The following PGRMC2 variants were observed in gnomAD, a reference collection of about 807,000 sequenced individuals.
PGRMC2 encodes the protein membrane-associated progesterone receptor component 2.
A neutral mutation model predicts 19.3 loss-of-function variants in PGRMC2; 9 were observed. That is an observed-to-expected ratio of 0.47 (90% CI 0.28 to 0.81). PGRMC2 has a LOEUF of 0.81. Ranked by LOEUF, PGRMC2 falls within the 40% of genes least tolerant of loss-of-function variation. The probability of loss-of-function intolerance (pLI) is 0.11; values close to 1 mark genes in which losing one functional copy is unlikely to be tolerated. For missense variants in PGRMC2, 289 were observed against 297.3 expected (o/e 0.97, Z 0.21); for synonymous variants, 157 against 124.6 (o/e 1.26, Z -1.73).
intron 1 of PGRMC2, among the ~76,000 whole-genome samples, chr4:128,276,881 A>G (rs1255974942): frequency 1.3e-5 from 2 of 152,234 alleles, no homozygotes; most frequent in Non-Finnish European, 2.9e-5. Flanking sequence ...ATCATTTTAA[A>G]GATAAATTTT....
intron 1 of PGRMC2, among the ~76,000 whole-genome samples, chr4:128,276,453 G>A (rs531611794): frequency 7.2e-5 from 11 of 152,194 alleles, no homozygotes. Flanking sequence ...CCAAGTAGCT[G>A]GGATTATTGG....
In PGRMC2 at chr4:128,287,805, G is replaced by T. The variant is rs374171303; in HGVS notation, c.-15C>A. 20 of 1,514,298 alleles carry T rather than the reference G, an allele frequency of 1.3e-5. No homozygotes were observed. The highest frequency in any genetic ancestry group is 6.9e-5 in the South Asian group (6 of 86,362). The allele number at this position is 1,514,298 out of a possible 1,614,324, so 93.8% of individuals were successfully genotyped here. On this transcript the variant is annotated 5_prime_UTR_variant, in exon 1 of 3. Coordinates refer to ENST00000296425, the MANE Select transcript of PGRMC2 (RefSeq NM_006320.6). Reference sequence around the variant, plus strand: ...CCAGCCGCCATCACTGCCCGCCAGCGCCTTCCTCCTCCTCCCCGCCCCCTG... The same window carrying T: ...CCAGCCGCCATCACTGCCCGCCAGCTCCTTCCTCCTCCTCCCCGCCCCCTG...
chr4:128,280,352 G>GAAA lies in PGRMC2; in HGVS notation c.418+7020_418+7021insTTT, dbSNP rs747302016. On this transcript the variant is annotated intron_variant, in intron 1 of 2. Coordinates refer to ENST00000296425, the MANE Select transcript of PGRMC2 (RefSeq NM_006320.6). ...GCAATAAGTAACAGCAAATTTTCTG[G>GAAA]GAAAAAAAAAAAAAAAAAAAAAAGG... Among the ~76,000 whole-genome samples, 87 of 60,512 alleles carry GAAA rather than the reference G, an allele frequency of 1.4e-3. 14 individuals are homozygous for GAAA. Among genetic ancestry groups the GAAA allele is most frequent in the Middle Eastern group, 0.015 (1 of 66 alleles). 39.7% of individuals were successfully genotyped at this position (60,512 alleles called of 152,430 possible).
intron 1 of PGRMC2, among the ~76,000 whole-genome samples, chr4:128,277,884 A>G (rs754657486): frequency 1.3e-5 from 2 of 152,218 alleles, no homozygotes; most frequent in Non-Finnish European, 2.9e-5. Context: ...CATAGTCCTT[A>G]GATCCCTCAA....
At chr4:128,285,330 T>C (rs1041954287) in intron 1 of PGRMC2, among the ~76,000 whole-genome samples, 1 of 152,170 alleles carries the variant, frequency 6.6e-6, no homozygotes, top group African/African-American at 2.4e-5. Context: ...GGTTTTGTTA[T>C]ATTGGCCAGG....
At position 128,287,381 on chromosome 4, in the gene PGRMC2, T is replaced by C. The variant is rs914705091; in HGVS notation, c.410A>G (p.Tyr137Cys). ...CCCTTCCAACTCCTCACCCGGGCCG[T>C]AGAACTTGCTGCCTTTGGTCACGTC... ...VFDVTKGSKF[Y>C]GPAGPYGIFA... Residue 137 changes from tyrosine (Y) to cysteine (C), a missense_variant, in exon 1 of 3, where the codon TAC becomes TGC. By Grantham distance (194) the Tyr-to-Cys change is radical (BLOSUM62 -2). Coordinates refer to ENST00000296425, the MANE Select transcript of PGRMC2 (RefSeq NM_006320.6). 1.9e-6 allele frequency: 3 copies of C among 1,600,540 alleles called. No homozygotes were observed. Among genetic ancestry groups the C allele is most frequent in the Non-Finnish European group, 2.6e-6 (3 of 1,169,834 alleles).
At chr4:128,271,738 C>T (rs937788313) in intron 2 of PGRMC2, among the ~76,000 whole-genome samples, 2 of 152,132 alleles carry the variant, frequency 1.3e-5, no homozygotes, top group African/African-American at 2.4e-5. Context: ...CATCTCAGTA[C>T]CCAGCTAAAC....
chr4:128,278,035 T>C (rs184891634), intron 1 of PGRMC2, among the ~76,000 whole-genome samples: 2 of 152,268 alleles, frequency 1.3e-5, no homozygotes, highest in East Asian at 1.9e-4. Flanking sequence ...CTCAGCAACA[T>C]TGTGAACTGA....
chr4:128,278,429 G>A (rs768859052), intron 1 of PGRMC2, among the ~76,000 whole-genome samples: 5 of 152,010 alleles, frequency 3.3e-5, no homozygotes, highest in Non-Finnish European at 7.4e-5. Flanking sequence ...AAAATTAGCC[G>A]GGCACGGTGG....
At chr4:128,286,845 G>GT in intron 1 of PGRMC2, 1 of 321,768 alleles carries the variant, frequency 3.1e-6, no homozygotes, top group Non-Finnish European at 5.5e-6. Flanking sequence ...GCCTTACGGA[G>GT]TAATACAGCG....
Position 128,287,808 on chromosome 4 carries a change from T to TCC in PGRMC2, c.-19_-18insGG. The TCC allele has an allele frequency of 6.6e-7, 1 of 1,513,066 alleles. No homozygotes were observed. Among genetic ancestry groups the TCC allele is most frequent in the Non-Finnish European group, 9.0e-7 (1 of 1,115,408 alleles). 93.7% of individuals were successfully genotyped at this position (1,513,066 alleles called of 1,614,324 possible). A position where few individuals can be genotyped will look rare whatever the true frequency, so the allele number is the denominator to read the frequency against. On this transcript the variant is annotated 5_prime_UTR_variant, in exon 1 of 3. Coordinates refer to ENST00000296425, the MANE Select transcript of PGRMC2 (RefSeq NM_006320.6). ...GCCGCCATCACTGCCCGCCAGCGCC[T>TCC]TCCTCCTCCTCCCCGCCCCCTGCCC...
At chr4:128,280,577 C>T (rs1169610411) in intron 1 of PGRMC2, among the ~76,000 whole-genome samples, 6 of 151,936 alleles carry the variant, frequency 3.9e-5, no homozygotes, top group African/African-American at 4.8e-5. Context: ...AGTGGCATAA[C>T]GCTACTCAAG....
chr4:128,276,793 G>A (rs183212730), intron 1 of PGRMC2, among the ~76,000 whole-genome samples: 76 of 152,080 alleles, frequency 5.0e-4, no homozygotes, highest in African/African-American at 1.8e-3. Flanking sequence ...AAGCAAATTC[G>A]TGCTACAAAA....
chr4:128,287,221 G>T lies in PGRMC2; in HGVS notation c.418+152C>A, dbSNP rs968010396. The T allele has an allele frequency of 2.7e-5, 21 of 778,082 alleles. No individual in the cohort carries two copies. The Admixed American group carries it at 5.1e-4, about 19-fold the overall frequency. The allele number at this position is 778,082 out of a possible 1,614,324, so 48.2% of individuals were successfully genotyped here. Reference sequence around the variant, plus strand: ...GGGGGACGGTGTGTGTGTAGGGGCGGGATGGGCCGTCCCAGGTGCGGCGGC... The same window carrying T: ...GGGGGACGGTGTGTGTGTAGGGGCGTGATGGGCCGTCCCAGGTGCGGCGGC... On this transcript the variant is annotated intron_variant, in intron 1 of 2. Coordinates refer to ENST00000296425, the MANE Select transcript of PGRMC2 (RefSeq NM_006320.6).
At chr4:128,281,571 T>C (rs1037737700) in intron 1 of PGRMC2, among the ~76,000 whole-genome samples, 1 of 152,106 alleles carries the variant, frequency 6.6e-6, no homozygotes. Flanking sequence ...AATCACAAAA[T>C]AAGATGATAG....
intron 1 of PGRMC2, among the ~76,000 whole-genome samples, chr4:128,278,724 TTTAAA>T (rs1760855235): frequency 6.6e-6 from 1 of 152,260 alleles, no homozygotes; most frequent in East Asian, 1.9e-4. Context: ...GCATAAAGTC[TTTAAA>T]TATAATACAT....
Position 128,283,975 on chromosome 4 carries a change from TTA to T in PGRMC2, c.418+3396_418+3397del, listed in dbSNP as rs200720530. ...GTGCCTGGCCTTTATTTTTTTATTT[TTA>T]TTTTTTTTTTTTTAGTAGAGATGGG... On this transcript the variant is annotated intron_variant, in intron 1 of 2. Transcript: ENST00000296425. Among the ~76,000 whole-genome samples, 425 of 84,740 alleles carry T rather than the reference TTA, an allele frequency of 5.0e-3. 10 individuals are homozygous for T. The East Asian group carries it at 0.081, about 16-fold the overall frequency. The allele number at this position is 84,740 out of a possible 152,430, so 55.6% of individuals were successfully genotyped here. A position where few individuals can be genotyped will look rare whatever the true frequency, so the allele number is the denominator to read the frequency against.
intron 1 of PGRMC2, among the ~76,000 whole-genome samples, chr4:128,283,322 C>A (rs1372610106): frequency 6.6e-6 from 1 of 152,168 alleles, no homozygotes; most frequent in Non-Finnish European, 1.5e-5. Context: ...TCTCATAGGG[C>A]TGTTTGAAAA....
chr4:128,284,806 C>T (rs1006570822), intron 1 of PGRMC2, among the ~76,000 whole-genome samples: 2 of 152,290 alleles, frequency 1.3e-5, no homozygotes, highest in Middle Eastern at 3.4e-3. Flanking sequence ...GAACTTGTAT[C>T]TGTTTTATAG....
Sources: gnomAD v4.1 joint callset for allele counts (sites outside exome capture counted in the v4.1 genomes callset) on GRCh38, gnomAD v4.1.1 for gene constraint, MANE v1.5 for transcripts, NCBI Gene and HGNC (gene_info 2026-07-23, HGNC 2026-07-21) for gene names.